NR3C2: variants seen among roughly 807,000 people sequenced by gnomAD.
NR3C2 encodes mineralocorticoid receptor.
NR3C2 carries 15 observed loss-of-function variants against 86.4 expected under a neutral mutation model. That is an observed-to-expected ratio of 0.17 (90% CI 0.12 to 0.27). The LOEUF is 0.27. Among genes scored for constraint, NR3C2 ranks in the 10% least tolerant of loss-of-function variants. The pLI, the probability that NR3C2 is intolerant of heterozygous loss-of-function variation, is 1.00. For missense variants in NR3C2, 960 were observed against 1,195.6 expected (o/e 0.80, Z 2.91); for synonymous variants, 458 against 450.5 (o/e 1.02, Z -0.21).
At chr4:148,171,320 G>T (rs1735113887) in intron 4 of NR3C2, among the ~76,000 whole-genome samples, 1 of 152,176 alleles carries the variant, frequency 6.6e-6, no homozygotes, top group Admixed American at 6.5e-5. Context: ...GAATTTCCAG[G>T]TATGAGCTCT....
In NR3C2 at chr4:148,154,605, G is replaced by T; in HGVS notation, c.2311C>A (p.Arg771Ser). The change falls in exon 5 of 9, where the codon CGC becomes AGC. Residue 771 changes from arginine (R) to serine (S), a missense_variant. Coordinates refer to ENST00000358102, the MANE Select transcript of NR3C2 (RefSeq NM_000901.5). ...TGGATCATCTGTTTGCCTGCTAAGCGGTTGAGCGTGGAGAGCAGATTTTCG... is the reference window on the plus strand; with the variant it reads ...TGGATCATCTGTTTGCCTGCTAAGCTGTTGAGCGTGGAGAGCAGATTTTCG... ...TAENLLSTLN[R>S]LAGKQMIQVV... The T allele has an allele frequency of 6.2e-7, 1 of 1,614,192 alleles. No homozygotes were observed. Among genetic ancestry groups the T allele is most frequent in the Non-Finnish European group, 8.5e-7 (1 of 1,180,040 alleles).
At chr4:148,105,246 A>G (rs1462240997) in intron 8 of NR3C2, among the ~76,000 whole-genome samples, 1 of 152,226 alleles carries the variant, frequency 6.6e-6, no homozygotes, top group Non-Finnish European at 1.5e-5. Context: ...CCATCAGAGA[A>G]TACTATAAAC....
chr4:148,277,984 T>C (rs1460877234), intron 2 of NR3C2, among the ~76,000 whole-genome samples: 1 of 152,226 alleles, frequency 6.6e-6, no homozygotes, highest in Admixed American at 6.5e-5. Context: ...AAAAGGAGAA[T>C]ACATTCCTAG....
At chr4:148,309,808 G>A (rs1046742337) in intron 2 of NR3C2, among the ~76,000 whole-genome samples, 2 of 151,692 alleles carry the variant, frequency 1.3e-5, no homozygotes, top group African/African-American at 4.9e-5. Flanking sequence ...CATGTAGTAC[G>A]TAAACTTAAA....
intron 2 of NR3C2, among the ~76,000 whole-genome samples, chr4:148,406,282 A>G (rs1748420887): frequency 6.6e-6 from 1 of 152,196 alleles, no homozygotes; most frequent in Non-Finnish European, 1.5e-5. Context: ...AGCAGTACTA[A>G]TAATAACAAT....
chr4:148,102,609 T>C (rs1731589364), intron 8 of NR3C2, among the ~76,000 whole-genome samples: 1 of 152,110 alleles, frequency 6.6e-6, no homozygotes, highest in African/African-American at 2.4e-5. Flanking sequence ...GAACCTCTCT[T>C]GGTGCTCCTG....
intron 8 of NR3C2, among the ~76,000 whole-genome samples, chr4:148,085,710 T>A (rs1730781731): frequency 6.6e-6 from 1 of 152,162 alleles, no homozygotes; most frequent in African/African-American, 2.4e-5. Flanking sequence ...GGCTGGTTTT[T>A]TTTGAAAAGA....
At chr4:148,252,821 T>C (rs1739641741) in intron 3 of NR3C2, among the ~76,000 whole-genome samples, 1 of 152,194 alleles carries the variant, frequency 6.6e-6, no homozygotes, top group African/African-American at 2.4e-5. Context: ...CTGTTGTTTT[T>C]TTTGTTTCAC....
At chr4:148,099,592 T>C (rs1415484560) in intron 8 of NR3C2, among the ~76,000 whole-genome samples, 1 of 152,196 alleles carries the variant, frequency 6.6e-6, no homozygotes, top group East Asian at 1.9e-4. Context: ...TAAATAGTAA[T>C]ATTTACTCAT....
intron 2 of NR3C2, among the ~76,000 whole-genome samples, chr4:148,272,784 T>G (rs543327431): frequency 6.6e-6 from 1 of 152,184 alleles, no homozygotes; most frequent in African/African-American, 2.4e-5. Flanking sequence ...ATGAAAAAGG[T>G]TTTGAAAACA....
intron 2 of NR3C2, among the ~76,000 whole-genome samples, chr4:148,378,732 T>G (rs1173004519): frequency 6.6e-6 from 1 of 152,246 alleles, no homozygotes; most frequent in African/African-American, 2.4e-5. Flanking sequence ...ATGCTTCCTA[T>G]GCAGCCTGCA....
At chr4:148,228,234 GTATTA>G (rs1560989120) in intron 3 of NR3C2, among the ~76,000 whole-genome samples, 2 of 151,562 alleles carry the variant, frequency 1.3e-5, no homozygotes, top group African/African-American at 4.8e-5. Context: ...AGATATACGT[GTATTA>G]TATATTTTCT....
At chr4:148,106,905 C>A (rs1455822921) in intron 8 of NR3C2, among the ~76,000 whole-genome samples, 2 of 152,128 alleles carry the variant, frequency 1.3e-5, no homozygotes, top group Non-Finnish European at 2.9e-5. Context: ...ACCATAAAAA[C>A]CCTAGAAGAA....
intron 2 of NR3C2, among the ~76,000 whole-genome samples, chr4:148,363,582 C>T (rs1406042291): frequency 1.4e-5 from 2 of 143,082 alleles, no homozygotes; most frequent in Non-Finnish European, 3.0e-5. Flanking sequence ...CAGCTCACTG[C>T]AAGCTCCGCC....
chr4:148,444,129 G>A (rs953488254), upstream of NR3C2: 1 of 985,414 alleles, frequency 1.0e-6, no homozygotes, highest in Non-Finnish European at 1.2e-6. Flanking sequence ...GGCGGCGGGC[G>A]GGAGCAAGGG....
chr4:148,149,726 A>T (rs996624738), intron 6 of NR3C2, among the ~76,000 whole-genome samples: 2 of 152,216 alleles, frequency 1.3e-5, no homozygotes, highest in Non-Finnish European at 2.9e-5. Flanking sequence ...CATACAATCC[A>T]ATTAAAAAAT....
chr4:148,093,950 A>C (rs989530416), intron 8 of NR3C2, among the ~76,000 whole-genome samples: 24 of 152,242 alleles, frequency 1.6e-4, no homozygotes, highest in Non-Finnish European at 3.5e-4. Context: ...ATCTGAAAAG[A>C]GGTTAATATT....
intron 4 of NR3C2, among the ~76,000 whole-genome samples, chr4:148,161,955 C>A (rs996807698): frequency 6.6e-6 from 1 of 152,118 alleles, no homozygotes; most frequent in African/African-American, 2.4e-5. Flanking sequence ...TCCATGGGAG[C>A]GCACACTATC....
chr4:148,280,681 G>A (rs1289307155), intron 2 of NR3C2, among the ~76,000 whole-genome samples: 3 of 151,960 alleles, frequency 2.0e-5, no homozygotes, highest in Admixed American at 6.6e-5. Flanking sequence ...TTATTTTTAT[G>A]TTTTGTAGAG....
Sources: allele counts gnomAD v4.1 joint callset (sites outside exome capture counted in the v4.1 genomes callset), GRCh38; gene constraint gnomAD v4.1.1; transcripts MANE v1.5; gene names NCBI Gene and HGNC (gene_info 2026-07-23, HGNC 2026-07-21).